The following CARD19 variants were observed in gnomAD, a reference collection of about 807,000 sequenced individuals.
The protein encoded by CARD19 is caspase recruitment domain-containing protein 19.
A neutral mutation model predicts 24.1 loss-of-function variants in CARD19; 25 were observed. The ratio of observed to expected loss-of-function variants is 1.04; its 90% CI spans 0.76 to 1.45. CARD19 has a LOEUF of 1.45. Among genes scored for constraint, CARD19 ranks in the 40% most tolerant of loss-of-function variants. The probability of loss-of-function intolerance (pLI) is 0.00; values close to 1 mark genes in which losing one functional copy is unlikely to be tolerated. For missense variants in CARD19, 241 were observed against 247.4 expected (o/e 0.97, Z 0.17); for synonymous variants, 103 against 104.9 (o/e 0.98, Z 0.11).
chr9:93,104,671 G>A (rs1285770731), intron 1 of CARD19, among the ~76,000 whole-genome samples: 4 of 152,068 alleles, frequency 2.6e-5, no homozygotes, highest in Admixed American at 2.6e-4. Context: ...TTTCTTCACA[G>A]TTCCGTTTTG....
chr9:93,112,925 G>A, intron 5 of CARD19, 67 bp from the exon 6 acceptor site: 2 of 1,130,632 alleles, frequency 1.8e-6, no homozygotes, highest in Non-Finnish European at 2.6e-6. Flanking sequence ...CCCGCAGGAG[G>A]GATGGAAACA....
At chr9:93,108,425 C>T (rs560904321) in intron 2 of CARD19, among the ~76,000 whole-genome samples, 3 of 152,302 alleles carry the variant, frequency 2.0e-5, no homozygotes, top group African/African-American at 7.2e-5. Context: ...AGCCGCGCCC[C>T]AGTCTGCCCC....
chr9:93,101,865 AT>A (rs34223870), intron 1 of CARD19, among the ~76,000 whole-genome samples: 97,916 of 151,682 alleles, frequency 0.65, 34,307 homozygotes, highest in Non-Finnish European at 0.77. Context: ...CCTCACCAAC[AT>A]TTGTTATATT....
rs1196529872 is a variant in CARD19, at chr9:93,096,747, A to G, written c.7+395A>G. On this transcript the variant is annotated intron_variant, in intron 1 of 5. Coordinates refer to ENST00000375464, the MANE Select transcript of CARD19 (RefSeq NM_032310.5). This position sits in a 1 kb window ranked among gnomAD's most constrained non-coding sequence, Gnocchi z 5.4. ...TAGGAGGTGGTAGAAATGACACCGG[A>G]GAGAATTCACAGCGGTCCTGCTGTG... Among the ~76,000 whole-genome samples the G allele has an allele frequency of 6.6e-6, 1 of 152,186 alleles. No individual in the cohort carries two copies. The highest frequency in any genetic ancestry group is 1.9e-4 in the East Asian group (1 of 5,184).
rs1387452370 is a variant in CARD19 at position 93,112,291 on chromosome 9, T to G, written c.436+2T>G. 2 of 1,542,928 alleles carry G rather than the reference T, an allele frequency of 1.3e-6. No individual in the cohort carries two copies. The highest frequency in any genetic ancestry group is 1.7e-6 in the Non-Finnish European group (2 of 1,146,828). ...TGCTCCTGTACTGCTATCCGCCAGG[T>G]GGGTGCAAGCGGATCCTCATGGGGC... is the stretch of plus-strand genomic sequence containing the variant. On this transcript the variant is annotated splice_donor_variant, in intron 5 of 5. Coordinates refer to ENST00000375464, the MANE Select transcript of CARD19 (RefSeq NM_032310.5). LOFTEE classifies it high-confidence loss of function.
At chr9:93,101,270 G>C (rs1827070311) in intron 1 of CARD19, among the ~76,000 whole-genome samples, 1 of 152,018 alleles carries the variant, frequency 6.6e-6, no homozygotes, top group African/African-American at 2.4e-5. Flanking sequence ...GTAGAGACGG[G>C]GCTTCGCCAT....
At chr9:93,110,378 C>T in intron 2 of CARD19, 190 bp from the exon 3 acceptor site, 1 of 885,572 alleles carries the variant, frequency 1.1e-6, no homozygotes, top group Non-Finnish European at 1.7e-6. Context: ...GCAGTGATGC[C>T]TGTGACAGAG....
chr9:93,109,536 G>A (rs1420277090), intron 2 of CARD19, among the ~76,000 whole-genome samples: 1 of 150,868 alleles, frequency 6.6e-6, no homozygotes, highest in African/African-American at 2.4e-5. Flanking sequence ...GCATGATCTC[G>A]GCTCAGTGCA....
rs774906958 is a variant in CARD19, at chr9:93,113,014, C to T, written c.459C>T (p.Thr153=). 6 of 1,609,374 alleles carry T rather than the reference C, an allele frequency of 3.7e-6. No individual in the cohort carries two copies. The highest frequency in any genetic ancestry group is 5.1e-6 in the Non-Finnish European group (6 of 1,177,738). ...YPPDPKGLPG[T]RRVLGFSPVI... ...TAGACCCCAAGGGCCTGCCAGGGAC[C>T]CGGCGCGTCCTCGGTTTCTCGCCTG... is the stretch of plus-strand genomic sequence containing the variant. Residue 153 remains threonine, a synonymous_variant, in exon 6 of 6, where the codon ACC becomes ACT. Coordinates refer to ENST00000375464, the MANE Select transcript of CARD19 (RefSeq NM_032310.5).
At chr9:93,112,527 G>A (rs561599363) in intron 5 of CARD19, among the ~76,000 whole-genome samples, 1 of 152,316 alleles carries the variant, frequency 6.6e-6, no homozygotes, top group East Asian at 1.9e-4. Flanking sequence ...CTAGCGGGAG[G>A]AGGGGTGCAG....
chr9:93,103,050 AATCATGTC>A (rs1827140009), intron 1 of CARD19, among the ~76,000 whole-genome samples: 1 of 152,198 alleles, frequency 6.6e-6, no homozygotes, highest in East Asian at 1.9e-4. Context: ...CTATATATAA[AATCATGTC>A]ATCTGTGAAC....
intron 1 of CARD19, among the ~76,000 whole-genome samples, chr9:93,102,561 T>C (rs2119073242): frequency 6.6e-6 from 1 of 152,296 alleles, no homozygotes; most frequent in South Asian, 2.1e-4. Flanking sequence ...CATATGTGTG[T>C]CTTTATGATA....
At position 93,113,094 on chromosome 9, in the gene CARD19, T is replaced by C. The variant is rs532757837; in HGVS notation, c.539T>C (p.Leu180Pro). 6 of 1,576,488 alleles carry C rather than the reference T, an allele frequency of 3.8e-6. No individual in the cohort carries two copies. In the South Asian group the frequency reaches 5.8e-5, roughly 15 times the overall value. Residue 180 changes from leucine to proline, a missense_variant, in exon 6 of 6, where the codon CTA (leucine) becomes CCA (proline). Coordinates refer to ENST00000375464, the MANE Select transcript of CARD19 (RefSeq NM_032310.5). The part of the protein sequence containing the change: ...RYLLAFLADD[L>P]GGL ...CTGCTGGCCTTCCTGGCAGATGACC[T>C]AGGGGGGCTCTGACAGACCCTGGAC...
chr9:93,111,965 C>G (rs903763649), intron 4 of CARD19, 27 bp downstream of exon 4: 2 of 1,580,122 alleles, frequency 1.3e-6, no homozygotes, highest in South Asian at 2.3e-5. Flanking sequence ...GCCCCTCCCT[C>G]TCTCTCCCTC....
Position 93,096,656 on chromosome 9 carries a change from C to T in CARD19, c.7+304C>T, listed in dbSNP as rs1277894912. On this transcript the variant is annotated intron_variant, in intron 1 of 5. Transcript: ENST00000375464. This position sits in a 1 kb window ranked among gnomAD's most constrained non-coding sequence, Gnocchi z 5.4. ...CAGCTCCAGGGTGGGGCTGCACAGC[C>T]GCGGTCTGGGCTCAGCCACTGCCAA... is the stretch of plus-strand genomic sequence containing the variant. Among the ~76,000 whole-genome samples, 1 of 152,156 alleles carries T rather than the reference C, an allele frequency of 6.6e-6. No individual in the cohort carries two copies. Among genetic ancestry groups the T allele is most frequent in the African/African-American group, 2.4e-5 (1 of 41,420 alleles).
chr9:93,105,133 G>A (rs116217125), intron 1 of CARD19, among the ~76,000 whole-genome samples: 1 of 151,826 alleles, frequency 6.6e-6, no homozygotes, highest in Non-Finnish European at 1.5e-5. Flanking sequence ...TGTTTTTGCT[G>A]CATCCCTTAG....
At chr9:93,098,657 T>C (rs1347252337) in intron 1 of CARD19, among the ~76,000 whole-genome samples, 1 of 152,180 alleles carries the variant, frequency 6.6e-6, no homozygotes, top group African/African-American at 2.4e-5. Context: ...GTGCTGCCTG[T>C]TTGTGTGCAC....
Position 93,112,264 on chromosome 9 carries a change from C to G in CARD19, c.411C>G (p.Ala137=), listed in dbSNP as rs556061706. The G allele has an allele frequency of 1.3e-6, 2 of 1,544,798 alleles. No individual in the cohort carries two copies. Among genetic ancestry groups the G allele is most frequent in the African/African-American group, 1.4e-5 (1 of 73,136 alleles). ...LAGLGLAVGL[A]LLLYCYPPDP... Reference sequence around the variant, plus strand: ...GCCTGGGCCTTGCTGTGGGACTGGCCCTGCTCCTGTACTGCTATCCGCCAG... The same window carrying G: ...GCCTGGGCCTTGCTGTGGGACTGGCGCTGCTCCTGTACTGCTATCCGCCAG... Residue 137 remains alanine (A), a synonymous_variant, in exon 5 of 6, where the codon GCC becomes GCG. Coordinates refer to ENST00000375464, the MANE Select transcript of CARD19 (RefSeq NM_032310.5).
At chr9:93,112,060 T>G (rs1827512919) in intron 4 of CARD19, 122 bp downstream of exon 4, 3 of 1,404,290 alleles carry the variant, frequency 2.1e-6, no homozygotes, top group East Asian at 2.6e-5. Context: ...ATTCCTGGCC[T>G]TCTGTTGGTG....
Sources: allele counts gnomAD v4.1 joint callset (sites outside exome capture counted in the v4.1 genomes callset), GRCh38; gene constraint gnomAD v4.1.1; non-coding constraint Gnocchi (gnomAD v3.1); transcripts MANE v1.5; gene names NCBI Gene and HGNC (gene_info 2026-07-23, HGNC 2026-07-21).